The following XIRP2 variants were observed in gnomAD, a reference collection of about 807,000 sequenced individuals.
XIRP2 encodes xin actin binding repeat containing 2.
Under a neutral mutation model 277.0 loss-of-function variants are expected in XIRP2, and 236 were observed. That is an observed-to-expected ratio of 0.85 (90% CI 0.77 to 0.95). The LOEUF is 0.95. XIRP2 is among the 40% of genes least tolerant of loss of function. XIRP2 has a pLI of 0.00. For missense variants in XIRP2, 4,640 were observed against 4,157.5 expected, an observed-to-expected ratio of 1.12 and a Z score of -3.19; for synonymous variants, 1,490 against 1,416.5, an observed-to-expected ratio of 1.05 and a Z score of -1.17.
intron 2 of XIRP2, among the ~76,000 whole-genome samples, chr2:166,940,895 G>A (rs1685690973): frequency 6.6e-6 from 1 of 152,192 alleles, no homozygotes; most frequent in African/African-American, 2.4e-5. Context: ...CGGGGGTCAG[G>A]GACCCACTTG....
At position 167,028,660 on chromosome 2, in the gene XIRP2, A is replaced by G. The variant is rs191961977; in HGVS notation, c.409-107249A>G. On this transcript the variant is annotated intron_variant, in intron 2 of 10. Transcript: ENST00000409195. Reference sequence around the variant, plus strand: ...CTAACTCTTCAATGTCTAGACACAGATGAACCTACAGAAGCATCAAGAACA... The same window carrying G: ...CTAACTCTTCAATGTCTAGACACAGGTGAACCTACAGAAGCATCAAGAACA... 8.9e-4 allele frequency among the ~76,000 whole-genome samples: 135 copies of G among 152,144 alleles called. 1 individual carries two copies. The highest frequency in any genetic ancestry group is 3.0e-3 in the African/African-American group (126 of 41,554).
rs141284169 is a variant in XIRP2 at position 167,079,092 on chromosome 2, C to A, written c.409-56817C>A. ...AAAGGATGTTGGATTTTATTGAATGCTTTTCCCACATCTATTGAGATAAAC... is the reference window on the plus strand; with the variant it reads ...AAAGGATGTTGGATTTTATTGAATGATTTTCCCACATCTATTGAGATAAAC... On this transcript the variant is annotated intron_variant, in intron 2 of 10. Coordinates refer to ENST00000409195, the MANE Select transcript of XIRP2 (RefSeq NM_152381.6). 2.5e-3 allele frequency among the ~76,000 whole-genome samples: 378 copies of A among 152,248 alleles called. 2 individuals are homozygous for A. The highest frequency in any genetic ancestry group is 8.6e-3 in the African/African-American group (359 of 41,552).
At chr2:167,150,000 G>A (rs1414619079) in intron 3 of XIRP2, among the ~76,000 whole-genome samples, 2 of 151,836 alleles carry the variant, frequency 1.3e-5, no homozygotes, top group African/African-American at 2.4e-5. Flanking sequence ...AAAACGTGGG[G>A]TACTATATTC....
intron 3 of XIRP2, among the ~76,000 whole-genome samples, chr2:167,145,245 C>T (rs1472961785): frequency 3.3e-5 from 5 of 152,128 alleles, no homozygotes; most frequent in Admixed American, 3.3e-4. Context: ...ACAATTCCCA[C>T]TCCTGTAAAT....
chr2:167,154,865 G>GA (rs1422897193), intron 3 of XIRP2, among the ~76,000 whole-genome samples: 1 of 151,798 alleles, frequency 6.6e-6, no homozygotes, highest in Non-Finnish European at 1.5e-5. Flanking sequence ...TAATAAAGAA[G>GA]AAAAGAGAGA....
chr2:167,244,444 AG>A lies in XIRP2; in HGVS notation c.3054del (p.Arg1018SerfsTer21). ...CGTAAGAGGTGATGTAAGAAGCTGT[AG>A]GTGGCTTTTTGAAACAAGGCCCATT... ...EIVRGDVRSC[R>X]WLFETRPIDQ... is the part of the protein sequence containing the mutation. On this transcript the variant is annotated frameshift_variant, in exon 9 of 11. Transcript: ENST00000409195. LOFTEE classifies it high-confidence loss of function. 6.2e-7 allele frequency: 1 copy of A among 1,613,846 alleles called. No individual in the cohort carries two copies. The highest frequency in any genetic ancestry group is 1.1e-5 in the South Asian group (1 of 91,068).
At chr2:166,909,005 T>C (rs955348418) in intron 2 of XIRP2, among the ~76,000 whole-genome samples, 4 of 152,202 alleles carry the variant, frequency 2.6e-5, no homozygotes, top group East Asian at 1.9e-4. Context: ...TACCATGCTG[T>C]TTTGGTTACT....
intron 2 of XIRP2, among the ~76,000 whole-genome samples, chr2:167,085,919 A>C (rs1287544561): frequency 1.2e-4 from 18 of 152,134 alleles, no homozygotes; most frequent in Non-Finnish European, 2.4e-4. Context: ...GTGTCTTTTA[A>C]TTGGAACATT....
intron 2 of XIRP2, among the ~76,000 whole-genome samples, chr2:166,975,521 TGGTGTATTTG>T (rs902388168): frequency 1.3e-5 from 2 of 152,018 alleles, no homozygotes; most frequent in Non-Finnish European, 2.9e-5. Flanking sequence ...TTAGAACTTT[TGGTGTATTTG>T]GGGGACAAAG....
intron 2 of XIRP2, among the ~76,000 whole-genome samples, chr2:167,035,262 C>T (rs1688479667): frequency 6.6e-6 from 1 of 152,146 alleles, no homozygotes; most frequent in Non-Finnish European, 1.5e-5. Context: ...GAAGTTGGAA[C>T]ATTTTGGAAG....
chr2:167,054,138 C>A (rs1386910804), intron 2 of XIRP2, among the ~76,000 whole-genome samples: 1 of 152,130 alleles, frequency 6.6e-6, no homozygotes, highest in Non-Finnish European at 1.5e-5. Context: ...TTTGTATTGA[C>A]AACCTTCAAA....
intron 2 of XIRP2, among the ~76,000 whole-genome samples, chr2:166,938,405 T>A (rs1301998764): frequency 6.6e-6 from 1 of 152,212 alleles, no homozygotes; most frequent in East Asian, 1.9e-4. Context: ...CTGAGTGGTT[T>A]TGAGTGAGTT....
rs1320738174 is a variant in XIRP2, at chr2:167,245,825, C to T, written c.4433C>T (p.Thr1478Ile). 1.2e-6 allele frequency: 2 copies of T among 1,613,608 alleles called. No homozygotes were observed. Among genetic ancestry groups the T allele is most frequent in the Admixed American group, 1.7e-5 (1 of 59,972 alleles). Residue 1478 changes from threonine (T) to isoleucine (I), a missense_variant, in exon 9 of 11, where the codon ACT becomes ATT. Coordinates refer to ENST00000409195, the MANE Select transcript of XIRP2 (RefSeq NM_152381.6). ...GLEYENIKTV[T>I]QEDVQKGDVK... is the part of the protein sequence containing the mutation. ...GAATATGAAAATATCAAGACAGTCA[C>T]TCAGGAAGATGTGCAGAAAGGTGAT...
chr2:167,193,063 C>A (rs1693395199), intron 3 of XIRP2, among the ~76,000 whole-genome samples: 1 of 152,130 alleles, frequency 6.6e-6, no homozygotes. Flanking sequence ...CTTCATCATC[C>A]AGATCTGGAC....
At chr2:167,213,248 A>C (rs541505819) in intron 4 of XIRP2, among the ~76,000 whole-genome samples, 1 of 152,282 alleles carries the variant, frequency 6.6e-6, no homozygotes, top group African/African-American at 2.4e-5. Flanking sequence ...GTGCAATTTT[A>C]TTCCCTTTAC....
chr2:167,150,169 C>T (rs1024345648), intron 3 of XIRP2, among the ~76,000 whole-genome samples: 8 of 151,814 alleles, frequency 5.3e-5, no homozygotes, highest in Admixed American at 5.3e-4. Context: ...ATCGGTAGCA[C>T]TACTAATAAT....
At chr2:167,172,535 A>G (rs142962821) in intron 3 of XIRP2, among the ~76,000 whole-genome samples, 4,720 of 152,272 alleles carry the variant, frequency 0.031, 86 homozygotes, top group Non-Finnish European at 0.046. Flanking sequence ...TATAAAAGAC[A>G]GACGTCCCCA....
intron 5 of XIRP2, among the ~76,000 whole-genome samples, chr2:167,238,222 T>C (rs1394818923): frequency 6.6e-6 from 1 of 152,184 alleles, no homozygotes. Flanking sequence ...AAACTGTGTG[T>C]TAAACATATT....
Position 167,248,399 on chromosome 2 carries a change from C to T in XIRP2, c.7007C>T (p.Ala2336Val), listed in dbSNP as rs570860592. Residue 2336 changes from alanine (A) to valine (V), a missense_variant, in exon 9 of 11, where the codon GCT becomes GTT. Physicochemically the swap from Ala to Val is moderately conservative, Grantham distance 64. Coordinates refer to ENST00000409195, the MANE Select transcript of XIRP2 (RefSeq NM_152381.6). ...LPSLSTEKIK[A>V]EFESFPGLPL... ...TCACTGTCCACAGAGAAGATAAAGG[C>T]TGAATTTGAAAGTTTTCCAGGCCTC... 15 of 1,613,754 alleles carry T rather than the reference C, an allele frequency of 9.3e-6. No individual in the cohort carries two copies. The highest frequency in any genetic ancestry group is 1.3e-5 in the African/African-American group (1 of 74,964).
Sources: allele counts gnomAD v4.1 joint callset (sites outside exome capture counted in the v4.1 genomes callset), GRCh38; gene constraint gnomAD v4.1.1; transcripts MANE v1.5; gene names NCBI Gene and HGNC (gene_info 2026-07-23, HGNC 2026-07-21).